The following MAPRE3 variants were observed in gnomAD, a reference collection of about 807,000 sequenced individuals.
The protein encoded by MAPRE3 is microtubule-associated protein RP/EB family member 3.
MAPRE3 carries 2 observed loss-of-function variants against 30.5 expected under a neutral mutation model. The ratio of observed to expected loss-of-function variants is 0.07; its 90% CI spans 0.03 to 0.21. The LOEUF (loss-of-function observed/expected upper bound fraction) is 0.21, where lower values mean the gene tolerates loss of function less well. MAPRE3 is among the 10% of genes least tolerant of loss of function. MAPRE3 has a pLI of 1.00. For missense variants in MAPRE3, 204 were observed against 351.8 expected (o/e 0.58, Z 3.36); for synonymous variants, 110 against 127.7 (o/e 0.86, Z 0.93).
At chr2:26,994,790 T>A (rs1047142670) in intron 1 of MAPRE3, among the ~76,000 whole-genome samples, 1 of 151,590 alleles carries the variant, frequency 6.6e-6, no homozygotes, top group East Asian at 1.9e-4. Context: ...TTAGCAGGGA[T>A]TGGCAGACAT....
chr2:26,997,231 A>C (rs1666481433), intron 1 of MAPRE3, among the ~76,000 whole-genome samples: 1 of 152,186 alleles, frequency 6.6e-6, no homozygotes, highest in Non-Finnish European at 1.5e-5. Context: ...TTTCCACCTC[A>C]GATCATCAGG....
intron 1 of MAPRE3, among the ~76,000 whole-genome samples, chr2:26,994,930 G>C (rs1197886625): frequency 1.3e-5 from 2 of 150,312 alleles, no homozygotes; most frequent in Non-Finnish European, 2.9e-5. Context: ...TTGAACTCTT[G>C]GGCTCAAGTG....
chr2:26,998,194 G>A (rs770238549), intron 1 of MAPRE3, among the ~76,000 whole-genome samples: 4 of 152,100 alleles, frequency 2.6e-5, no homozygotes, highest in Non-Finnish European at 4.4e-5. Flanking sequence ...CTTCCTCTGG[G>A]CCCTTAAGTC....
At chr2:27,011,900 G>GA (rs1312848748) in intron 1 of MAPRE3, 2 of 140,860 alleles carry the variant, frequency 1.4e-5, no homozygotes, top group Non-Finnish European at 3.1e-5. Context: ...GCAATGTCTT[G>GA]AAAAAATAAG....
At chr2:26,983,057 G>C (rs1189233681) in intron 1 of MAPRE3, among the ~76,000 whole-genome samples, 1 of 152,198 alleles carries the variant, frequency 6.6e-6, no homozygotes, top group African/African-American at 2.4e-5. Context: ...GGAAAGACAT[G>C]AGAGGAAGAT....
intron 1 of MAPRE3, among the ~76,000 whole-genome samples, chr2:27,011,223 C>G (rs1186053299): frequency 1.3e-5 from 2 of 152,120 alleles, no homozygotes; most frequent in African/African-American, 2.4e-5. Context: ...CCCATTTTCT[C>G]CTCGCTGCTT....
intron 1 of MAPRE3, among the ~76,000 whole-genome samples, chr2:26,971,685 C>G (rs1419490816): frequency 6.6e-6 from 1 of 151,738 alleles, no homozygotes; most frequent in Non-Finnish European, 1.5e-5. Context: ...AGGCCTGATA[C>G]CATCCATAGG....
At chr2:26,990,397 A>G (rs968880832) in intron 1 of MAPRE3, among the ~76,000 whole-genome samples, 1 of 152,008 alleles carries the variant, frequency 6.6e-6, no homozygotes, top group Non-Finnish European at 1.5e-5. Context: ...GTGAACTCCC[A>G]CTCTTCCTTC....
chr2:26,997,591 G>A (rs1239934403), intron 1 of MAPRE3, among the ~76,000 whole-genome samples: 1 of 152,160 alleles, frequency 6.6e-6, no homozygotes, highest in African/African-American at 2.4e-5. Context: ...TGGAGCTCAG[G>A]CGGGAATGCT....
Position 27,023,402 on chromosome 2 carries a change from G to C in MAPRE3, c.192G>C (p.Gln64His). Residue 64 changes from glutamine (Q) to histidine (H), a missense_variant, in exon 3 of 7, where the codon CAG becomes CAC. Transcript: ENST00000233121. ...TGCACTTGAGGAAAGTGAAGTTCCA[G>C]GCCAAACTAGAGCACGAATACATCC... ...GCVHLRKVKFQAKLEHEYIHN... is the reference protein window; with the variant it reads ...GCVHLRKVKFHAKLEHEYIHN... The C allele has an allele frequency of 6.2e-7, 1 of 1,614,096 alleles. No homozygotes were observed. The highest frequency in any genetic ancestry group is 1.1e-5 in the South Asian group (1 of 91,086).
At chr2:26,991,714 G>A (rs1270138066) in intron 1 of MAPRE3, among the ~76,000 whole-genome samples, 1 of 152,062 alleles carries the variant, frequency 6.6e-6, no homozygotes, top group Non-Finnish European at 1.5e-5. Context: ...TCATGAGATT[G>A]CCTAAATGGT....
At chr2:26,973,743 G>A (rs1253297190) in intron 1 of MAPRE3, among the ~76,000 whole-genome samples, 1 of 151,740 alleles carries the variant, frequency 6.6e-6, no homozygotes, top group Admixed American at 6.6e-5. Context: ...TTTTAGTAGA[G>A]ACGGGGTTTC....
chr2:27,018,696 A>G (rs1667041597), intron 1 of MAPRE3, among the ~76,000 whole-genome samples: 1 of 151,814 alleles, frequency 6.6e-6, no homozygotes, highest in South Asian at 2.1e-4. Context: ...CCATCCACCC[A>G]TCCACTCCTC....
chr2:27,015,934 T>TC lies in MAPRE3; in HGVS notation c.-7-6274dup, dbSNP rs1422948289. Reference sequence around the variant, plus strand: ...TCAGTCTGCAGAATGACCAGCAGCTTCCCCTCCCGCAATGAGAGCTGTAAT... The same window carrying TC: ...TCAGTCTGCAGAATGACCAGCAGCTTCCCCCTCCCGCAATGAGAGCTGTAAT... On this transcript the variant is annotated intron_variant, in intron 1 of 6. Transcript: ENST00000233121. The surrounding 1 kb of genome is among the most constrained non-coding windows in gnomAD (Gnocchi z 4.0). Among the ~76,000 whole-genome samples, 1 of 152,124 alleles carries TC rather than the reference T, an allele frequency of 6.6e-6. No individual in the cohort carries two copies. Among genetic ancestry groups the TC allele is most frequent in the Non-Finnish European group, 1.5e-5 (1 of 68,020 alleles).
At chr2:26,976,471 T>A (rs1357995591) in intron 1 of MAPRE3, among the ~76,000 whole-genome samples, 1 of 152,224 alleles carries the variant, frequency 6.6e-6, no homozygotes, top group Admixed American at 6.5e-5. Context: ...TAGCCAAGTT[T>A]CGTGAAGCAT....
intron 1 of MAPRE3, among the ~76,000 whole-genome samples, chr2:26,994,962 G>A (rs569274513): frequency 5.3e-5 from 8 of 151,558 alleles, no homozygotes; most frequent in East Asian, 1.9e-4. Context: ...TCAGCCTCCC[G>A]AGTACCTAGG....
intron 1 of MAPRE3, among the ~76,000 whole-genome samples, chr2:26,989,085 C>T (rs1030914926): frequency 2.6e-5 from 4 of 152,168 alleles, no homozygotes; most frequent in Non-Finnish European, 4.4e-5. Flanking sequence ...ATAATAGCCA[C>T]GTAATTCCAG....
chr2:26,999,559 A>G (rs1666544248), intron 1 of MAPRE3, among the ~76,000 whole-genome samples: 1 of 123,860 alleles, frequency 8.1e-6, no homozygotes, highest in South Asian at 2.6e-4. Flanking sequence ...AGTGCAGTGC[A>G]GTGGTGTGAT....
chr2:27,021,515 C>T (rs915983580), intron 1 of MAPRE3, among the ~76,000 whole-genome samples: 5 of 152,186 alleles, frequency 3.3e-5, no homozygotes, highest in Non-Finnish European at 7.3e-5. Flanking sequence ...AGTCTGAAGT[C>T]GGAGCAGAGG....
Sources: gnomAD v4.1 joint callset for allele counts (sites outside exome capture counted in the v4.1 genomes callset) on GRCh38, gnomAD v4.1.1 for gene constraint, Gnocchi (gnomAD v3.1) non-coding constraint, MANE v1.5 for transcripts, NCBI Gene and HGNC (gene_info 2026-07-23, HGNC 2026-07-21) for gene names.